ALDH1L2: variants seen among roughly 807,000 people sequenced by gnomAD.
ALDH1L2 encodes the protein aldehyde dehydrogenase 1 family member L2, also known as mitochondrial 10-formyltetrahydrofolate dehydrogenase.
A neutral mutation model predicts 111.0 loss-of-function variants in ALDH1L2; 91 were observed. That is an observed-to-expected ratio of 0.82 (90% CI 0.69 to 0.98). The LOEUF (loss-of-function observed/expected upper bound fraction) is 0.98, where lower values mean the gene tolerates loss of function less well. ALDH1L2 is among the 50% of genes least tolerant of loss of function. The pLI is 0.00. For synonymous variants in ALDH1L2, 374 were observed against 392.6 expected (o/e 0.95, Z 0.56); for missense variants, 995 against 1,126.8 (o/e 0.88, Z 1.67).
intron 19 of ALDH1L2, among the ~76,000 whole-genome samples, chr12:105,032,902 C>G (rs1874786105): frequency 6.6e-6 from 1 of 152,052 alleles, no homozygotes; most frequent in Non-Finnish European, 1.5e-5. Context: ...TGTAGCCATG[C>G]CAGATGACCC....
intron 5 of ALDH1L2, 38 bp from the exon 6 acceptor site, chr12:105,065,394 C>A: frequency 6.4e-7 from 1 of 1,556,880 alleles, no homozygotes. Flanking sequence ...CCTCCTATGG[C>A]TGTGAACCTC....
intron 18 of ALDH1L2, among the ~76,000 whole-genome samples, chr12:105,037,878 C>T (rs1875253162): frequency 1.3e-5 from 2 of 151,882 alleles, no homozygotes; most frequent in African/African-American, 4.8e-5. Flanking sequence ...GATTCTCCTG[C>T]CTCAGCCTCC....
At chr12:105,056,792 A>C (rs530529429) in intron 10 of ALDH1L2, among the ~76,000 whole-genome samples, 1 of 150,774 alleles carries the variant, frequency 6.6e-6, no homozygotes, top group Admixed American at 6.7e-5. Context: ...ATTAAAAATA[A>C]GGGATTAAAA....
intron 11 of ALDH1L2, 99 bp from the exon 12 acceptor site, chr12:105,052,316 T>A: frequency 8.8e-7 from 1 of 1,134,490 alleles, no homozygotes; most frequent in Non-Finnish European, 1.1e-6. Flanking sequence ...TATTACTGAT[T>A]TTAAAAAAAG....
intron 7 of ALDH1L2, among the ~76,000 whole-genome samples, chr12:105,062,151 T>C (rs1877039421): frequency 6.6e-6 from 1 of 152,166 alleles, no homozygotes; most frequent in African/African-American, 2.4e-5. Flanking sequence ...GCAGCACATA[T>C]ACTAAAAAAA....
intron 4 of ALDH1L2, among the ~76,000 whole-genome samples, chr12:105,067,719 A>G (rs546858910): frequency 7.2e-5 from 11 of 152,182 alleles, no homozygotes; most frequent in Non-Finnish European, 1.2e-4. Context: ...ACCCAAGAGC[A>G]CACGGAGGGA....
chr12:105,056,926 C>G (rs1876663875), intron 10 of ALDH1L2, among the ~76,000 whole-genome samples: 1 of 150,526 alleles, frequency 6.6e-6, no homozygotes, highest in Non-Finnish European at 1.5e-5. Context: ...TAGACTTCAT[C>G]AAAATTAAAA....
At chr12:105,067,623 C>T (rs567252229) in intron 4 of ALDH1L2, among the ~76,000 whole-genome samples, 2 of 152,138 alleles carry the variant, frequency 1.3e-5, no homozygotes, top group Non-Finnish European at 2.9e-5. Flanking sequence ...TGCCTTGAGT[C>T]GAGAGCCTCC....
chr12:105,080,484 C>G (rs1878286321), intron 1 of ALDH1L2, among the ~76,000 whole-genome samples: 1 of 152,100 alleles, frequency 6.6e-6, no homozygotes, highest in Non-Finnish European at 1.5e-5. Flanking sequence ...CTATGAACTC[C>G]TTGAAAATGG....
At position 105,052,140 on chromosome 12, in the gene ALDH1L2, G is replaced by A. The variant is rs141863800; in HGVS notation, c.1485C>T (p.Asn495=). 108 of 1,611,348 alleles carry A rather than the reference G, an allele frequency of 6.7e-5. No homozygotes were observed. The highest frequency in any genetic ancestry group is 6.4e-4 in the African/African-American group (48 of 74,930). Residue 495 remains asparagine (N), a synonymous_variant, in exon 12 of 23, where the codon AAC becomes AAT. Transcript: ENST00000258494. ...TTGCATTCATTCTTCCCCATTCACC[G>A]TTTTCAAAAGCATCTTTTGCTGCTG... ...AVAAAKDAFE[N]GEWGRMNARE... is the part of the protein sequence containing the mutation.
At chr12:105,057,176 A>G (rs924928412) in intron 10 of ALDH1L2, among the ~76,000 whole-genome samples, 3 of 152,154 alleles carry the variant, frequency 2.0e-5, no homozygotes, top group Non-Finnish European at 2.9e-5. Context: ...CAACATCAGT[A>G]GTCATTAGGG....
chr12:105,040,499 GT>G, intron 16 of ALDH1L2, 107 bp downstream of exon 16: 1 of 1,006,024 alleles, frequency 9.9e-7, no homozygotes, highest in Non-Finnish European at 1.6e-6. Flanking sequence ...ATTGTATTTA[GT>G]TTTAATACAG....
In ALDH1L2 at chr12:105,024,368, T is replaced by G; in HGVS notation, c.*56A>C. The stretch of plus-strand genomic sequence containing the variant: ...CCTCAACACACCCAATCTTCTTAAG[T>G]GTGTCCAGAGTTGTAAAGGGCTGTC... On this transcript the variant is annotated 3_prime_UTR_variant, in exon 23 of 23. Coordinates refer to ENST00000258494, the MANE Select transcript of ALDH1L2 (RefSeq NM_001034173.4). 1.3e-6 allele frequency: 2 copies of G among 1,594,498 alleles called. No homozygotes were observed. Among genetic ancestry groups the G allele is most frequent in the East Asian group, 2.2e-5 (1 of 44,790 alleles).
At chr12:105,042,080 A>ATGT (rs1565954981) in intron 15 of ALDH1L2, among the ~76,000 whole-genome samples, 8 of 151,306 alleles carry the variant, frequency 5.3e-5, no homozygotes, top group African/African-American at 1.9e-4. Flanking sequence ...ATGTATACAC[A>ATGT]ACACACACAC....
intron 10 of ALDH1L2, among the ~76,000 whole-genome samples, chr12:105,053,199 T>TA (rs1876405055): frequency 6.6e-6 from 1 of 152,192 alleles, no homozygotes; most frequent in South Asian, 2.1e-4. Context: ...AGATAAAAGG[T>TA]AACTCACAAG....
At chr12:105,027,021 C>T (rs924930073) in intron 21 of ALDH1L2, among the ~76,000 whole-genome samples, 2 of 152,156 alleles carry the variant, frequency 1.3e-5, no homozygotes, top group African/African-American at 4.8e-5. Context: ...AGGCATGTGC[C>T]ACCATGCTCA....
At chr12:105,038,066 C>A in intron 18 of ALDH1L2, 37 bp downstream of exon 18, 1 of 1,576,688 alleles carries the variant, frequency 6.3e-7, no homozygotes, top group East Asian at 2.3e-5. Context: ...CTCACCTGGC[C>A]CAGGCACCTA....
rs779934561 is a variant in ALDH1L2 at position 105,030,422 on chromosome 12, G to T, written c.2418C>A (p.Phe806Leu). The stretch of plus-strand genomic sequence containing the variant: ...CATCTGTGAACACGGTCGGCTCCAT[G>T]AAAAAGCCTTTTTGGAAAAAACAAA... ...GGRQVQRPGF[F>L]MEPTVFTDVE... The change falls in exon 21 of 23, where the codon TTC (phenylalanine) becomes TTA (leucine). Residue 806 changes from phenylalanine to leucine, a missense_variant. Phe to Leu is a conservative substitution (Grantham distance 22, BLOSUM62 0). Coordinates refer to ENST00000258494, the MANE Select transcript of ALDH1L2 (RefSeq NM_001034173.4). The T allele has an allele frequency of 2.5e-6, 4 of 1,602,560 alleles. No individual in the cohort carries two copies. Among genetic ancestry groups the T allele is most frequent in the East Asian group, 2.2e-5 (1 of 44,670 alleles).
intron 15 of ALDH1L2, among the ~76,000 whole-genome samples, chr12:105,042,853 C>A (rs1334410134): frequency 1.4e-5 from 2 of 147,968 alleles, no homozygotes; most frequent in African/African-American, 2.5e-5. Flanking sequence ...TCTATTATAG[C>A]AATGCAAATC....
Sources: allele counts gnomAD v4.1 joint callset (sites outside exome capture counted in the v4.1 genomes callset), GRCh38; gene constraint gnomAD v4.1.1; transcripts MANE v1.5; gene names NCBI Gene and HGNC (gene_info 2026-07-23, HGNC 2026-07-21).